Variants in UTRN observed in about 807,000 individuals in gnomAD.
UTRN encodes dystrophin-related protein 1.
Under a neutral mutation model 463.9 loss-of-function variants are expected in UTRN, and 283 were observed. The observed-to-expected ratio is 0.61, with a 90% CI of 0.55 to 0.67. UTRN has a LOEUF of 0.67. Among genes scored for constraint, UTRN ranks in the 30% least tolerant of loss-of-function variants. The probability of loss-of-function intolerance (pLI) is 0.00; values close to 1 mark genes in which losing one functional copy is unlikely to be tolerated. For missense variants in UTRN, 3,922 were observed against 4,084.3 expected, an observed-to-expected ratio of 0.96 and a Z score of 1.08; for synonymous variants, 1,442 against 1,431.5, an observed-to-expected ratio of 1.01 and a Z score of -0.17.
chr6:144,653,314 G>A (rs1421652680), intron 51 of UTRN, among the ~76,000 whole-genome samples: 2 of 152,086 alleles, frequency 1.3e-5, no homozygotes, highest in Non-Finnish European at 2.9e-5. Flanking sequence ...GGCCAGGCAC[G>A]GTGGCTCACG....
intron 61 of UTRN, 33 bp from the exon 62 acceptor site, chr6:144,789,161 G>GCAT: frequency 6.5e-7 from 1 of 1,535,066 alleles, no homozygotes; most frequent in Non-Finnish European, 9.0e-7. Context: ...GGTTTTAAAT[G>GCAT]CATCTAACAC....
intron 53 of UTRN, among the ~76,000 whole-genome samples, chr6:144,702,217 A>G (rs1461848656): frequency 6.6e-6 from 1 of 152,186 alleles, no homozygotes; most frequent in African/African-American, 2.4e-5. Context: ...TAGCACATAA[A>G]GTATGTATCA....
chr6:144,473,422 A>AT (rs926543333), intron 23 of UTRN, among the ~76,000 whole-genome samples: 26 of 152,218 alleles, frequency 1.7e-4, no homozygotes, highest in African/African-American at 6.0e-4. Flanking sequence ...CTAGAAATGC[A>AT]TTTTTTCCCT....
intron 51 of UTRN, among the ~76,000 whole-genome samples, chr6:144,649,368 C>T (rs1218191846): frequency 2.0e-5 from 3 of 152,184 alleles, no homozygotes; most frequent in East Asian, 1.9e-4. Flanking sequence ...CTCTCCAATA[C>T]CATTGCCGCT....
At position 144,635,632 on chromosome 6, in the gene UTRN, C is replaced by T. The variant is rs550555320; in HGVS notation, c.7480-42774C>T. Among the ~76,000 whole-genome samples the T allele has an allele frequency of 4.9e-5, 7 of 142,528 alleles. No homozygotes were observed. The East Asian group carries it at 8.3e-4, about 17-fold the overall frequency. 93.5% of individuals were successfully genotyped at this position (142,528 alleles called of 152,430 possible). A position where few individuals can be genotyped will look rare whatever the true frequency, so the allele number is the denominator to read the frequency against. Reference sequence around the variant, plus strand: ...TCAGCTCACTGCAACTTCTGCCTCTCGGGTTCATGAGATCCTCCCACCTCA... The same window carrying T: ...TCAGCTCACTGCAACTTCTGCCTCTTGGGTTCATGAGATCCTCCCACCTCA... On this transcript the variant is annotated intron_variant, in intron 51 of 74. Coordinates refer to ENST00000367545, the MANE Select transcript of UTRN (RefSeq NM_007124.3).
chr6:144,494,039 T>A (rs1793333735), intron 33 of UTRN, among the ~76,000 whole-genome samples: 1 of 152,200 alleles, frequency 6.6e-6, no homozygotes, highest in African/African-American at 2.4e-5. Flanking sequence ...TTCAGGCTAA[T>A]ATTTATACTT....
chr6:144,321,903 A>C (rs542481817), intron 2 of UTRN, among the ~76,000 whole-genome samples: 2 of 151,926 alleles, frequency 1.3e-5, no homozygotes, highest in Non-Finnish European at 2.9e-5. Flanking sequence ...AGCTGGGATT[A>C]CAGGTGCCTA....
intron 33 of UTRN, among the ~76,000 whole-genome samples, chr6:144,493,766 T>G (rs865963434): frequency 9.9e-5 from 15 of 152,208 alleles, no homozygotes; most frequent in Middle Eastern, 3.4e-3. Flanking sequence ...CCCAGGGGTT[T>G]GAGACCAGCC....
At chr6:144,461,079 A>G in intron 21 of UTRN, 118 bp from the exon 22 acceptor site, 1 of 795,750 alleles carries the variant, frequency 1.3e-6, no homozygotes, top group South Asian at 4.1e-5. Flanking sequence ...AGACCCTTTT[A>G]CATTTTAATC....
At chr6:144,668,515 T>C (rs1234829371) in intron 51 of UTRN, among the ~76,000 whole-genome samples, 1 of 152,234 alleles carries the variant, frequency 6.6e-6, no homozygotes, top group Non-Finnish European at 1.5e-5. Flanking sequence ...TGCCATAGAC[T>C]GAGTAGCTTA....
At position 144,453,782 on chromosome 6, in the gene UTRN, G is replaced by A. The variant is rs1248081534; in HGVS notation, c.2197G>A (p.Ala733Thr). The A allele has an allele frequency of 6.2e-7, 1 of 1,611,816 alleles. No homozygotes were observed. Among genetic ancestry groups the A allele is most frequent in the South Asian group, 1.1e-5 (1 of 90,778 alleles). Residue 733 changes from alanine to threonine, a missense_variant and splice_region_variant, in exon 19 of 75, where the codon GCA becomes ACA. By Grantham distance (58) the Ala-to-Thr change is moderately conservative. Around this residue, in one of 3 missense-constraint regions of UTRN, gnomAD observed 2,349 missense variants for 2,303.8 expected, o/e 1.02. Coordinates refer to ENST00000367545, the MANE Select transcript of UTRN (RefSeq NM_007124.3). Reference protein sequence around the residue: ...DTSEMKKKLKALEKEQRERIP... With the variant: ...DTSEMKKKLKTLEKEQRERIP... ...TCTTATGTTGGGACTTCATTTGCAG[G>A]CATTAGAAAAAGAACAGAGAGAAAG...
intron 51 of UTRN, among the ~76,000 whole-genome samples, chr6:144,623,750 G>A (rs555834288): frequency 5.9e-5 from 9 of 152,194 alleles, no homozygotes; most frequent in Admixed American, 3.3e-4. Context: ...AATTATTCAC[G>A]GGATTTTTTC....
chr6:144,462,023 A>T (rs560294600), intron 22 of UTRN, among the ~76,000 whole-genome samples: 1 of 152,196 alleles, frequency 6.6e-6, no homozygotes, highest in South Asian at 2.1e-4. Context: ...TAAGCCCAGC[A>T]TCCATTAGCT....
In UTRN at chr6:144,824,614, C is replaced by CTTTT. The variant is rs34382974; in HGVS notation, c.9495-2714_9495-2711dup. Reference sequence around the variant, plus strand: ...TATATATATATATATATATATATATCTTTTTTTTTTTTTTTTTTTTTTTGA... The same window carrying CTTTT: ...TATATATATATATATATATATATATCTTTTTTTTTTTTTTTTTTTTTTTTTTTGA... On this transcript the variant is annotated intron_variant, in intron 66 of 74. Coordinates refer to ENST00000367545, the MANE Select transcript of UTRN (RefSeq NM_007124.3). Among the ~76,000 whole-genome samples, 200 of 30,880 alleles carry CTTTT rather than the reference C, an allele frequency of 6.5e-3. 16 individuals carry two copies. Among genetic ancestry groups the CTTTT allele is most frequent in the African/African-American group, 0.02 (188 of 9,478 alleles). 20.3% of individuals were successfully genotyped at this position (30,880 alleles called of 152,430 possible).
chr6:144,358,410 T>C (rs1562289999), intron 2 of UTRN, among the ~76,000 whole-genome samples: 1 of 152,234 alleles, frequency 6.6e-6, no homozygotes, highest in Non-Finnish European at 1.5e-5. Flanking sequence ...TCTTTTTGCC[T>C]ATTTGCTATA....
chr6:144,647,757 G>A (rs1778431728), intron 51 of UTRN, among the ~76,000 whole-genome samples: 1 of 152,222 alleles, frequency 6.6e-6, no homozygotes, highest in African/African-American at 2.4e-5. Context: ...ATTTGCTAGG[G>A]TTTGACATAA....
At chr6:144,507,689 G>C (rs942317480) in intron 34 of UTRN, among the ~76,000 whole-genome samples, 1 of 152,126 alleles carries the variant, frequency 6.6e-6, no homozygotes, top group Admixed American at 6.5e-5. Context: ...TCCTATATTA[G>C]GTGTCTGTTG....
chr6:144,536,179 C>T (rs966581329), intron 43 of UTRN, among the ~76,000 whole-genome samples: 2 of 152,208 alleles, frequency 1.3e-5, no homozygotes, highest in Non-Finnish European at 2.9e-5. Flanking sequence ...TTATATTTAG[C>T]TAATTTGCAG....
chr6:144,620,905 T>C (rs1775292886), intron 51 of UTRN, among the ~76,000 whole-genome samples: 1 of 152,182 alleles, frequency 6.6e-6, no homozygotes, highest in Admixed American at 6.5e-5. Flanking sequence ...ATTCTTTTTG[T>C]CCACAGCATA....
Sources: allele counts gnomAD v4.1 joint callset (sites outside exome capture counted in the v4.1 genomes callset), GRCh38; gene constraint gnomAD v4.1.1; regional missense constraint gnomAD v4.1.1; transcripts MANE v1.5; gene names NCBI Gene and HGNC (gene_info 2026-07-23, HGNC 2026-07-21).